Variants in WDR25 observed in about 807,000 individuals in gnomAD.
WDR25 encodes the protein WD repeat-containing protein 25.
Under a neutral mutation model 47.7 loss-of-function variants are expected in WDR25, and 35 were observed. The ratio of observed to expected loss-of-function variants is 0.73; its 90% confidence interval spans 0.56 to 0.97. WDR25 has a LOEUF of 0.97. WDR25 is among the 50% of genes least tolerant of loss of function. The pLI, the probability that WDR25 is intolerant of heterozygous loss-of-function variation, is 0.00. For missense variants in WDR25, 634 were observed against 704.7 expected, an observed-to-expected ratio of 0.90 and a Z score of 1.14; for synonymous variants, 248 against 278.9, an observed-to-expected ratio of 0.89 and a Z score of 1.10.
chr14:100,393,954 TTCC>T (rs1897199042), intron 2 of WDR25, among the ~76,000 whole-genome samples: 1 of 152,204 alleles, frequency 6.6e-6, no homozygotes, highest in African/African-American at 2.4e-5. Context: ...GTCAGGCACA[TTCC>T]TCCTCTAATT....
At position 100,529,340 on chromosome 14, in the gene WDR25, G is replaced by A. The variant is rs746564480; in HGVS notation, c.1413+132G>A. ...CCTGCTTTCTGTTTCCTGGGTGAGC[G>A]CATGCCATGTGGCTCACTGTCTCTT... On this transcript the variant is annotated intron_variant, in intron 6 of 6. Transcript: ENST00000402312. This position sits in a 1 kb window ranked among gnomAD's most constrained non-coding sequence, Gnocchi z 5.1. 31 of 1,363,858 alleles carry A rather than the reference G, an allele frequency of 2.3e-5. No individual in the cohort carries two copies. The highest frequency in any genetic ancestry group is 7.2e-5 in the African/African-American group (5 of 69,314). The allele number at this position is 1,363,858 out of a possible 1,614,324, so 84.5% of individuals were successfully genotyped here.
chr14:100,488,142 C>T lies in WDR25; in HGVS notation c.1101+4018C>T, dbSNP rs549367546. On this transcript the variant is annotated intron_variant, in intron 4 of 6. Transcript: ENST00000402312. This position sits in a 1 kb window ranked among gnomAD's most constrained non-coding sequence, Gnocchi z 4.2. ...TCTTGGTGATCTTGGGTGATCTCTC[C>T]GCCTCGGGTTTGATGTTTGTAGCAC... 3.7e-4 allele frequency among the ~76,000 whole-genome samples: 57 copies of T among 152,190 alleles called. No homozygotes were observed. The highest frequency in any genetic ancestry group is 1.1e-3 in the African/African-American group (45 of 41,514).
chr14:100,518,481 C>T (rs1901583341), intron 4 of WDR25, among the ~76,000 whole-genome samples: 1 of 151,126 alleles, frequency 6.6e-6, no homozygotes, highest in South Asian at 2.1e-4. Context: ...TTTAATTTAT[C>T]CTCTTTGTGG....
intron 3 of WDR25, among the ~76,000 whole-genome samples, chr14:100,475,899 T>A (rs561539290): frequency 6.6e-6 from 1 of 151,820 alleles, no homozygotes; most frequent in Non-Finnish European, 1.5e-5. Flanking sequence ...TATATATATA[T>A]AAAATTATTT....
rs1157078899 is a variant in WDR25 at position 100,404,116 on chromosome 14, C to T, written c.822+22370C>T. ...ATTAGAACTCCCATTTGCTGAGATC[C>T]TACCATGTGTCCAGCCCAGTGCTGG... On this transcript the variant is annotated intron_variant, in intron 2 of 6. Transcript: ENST00000402312. The surrounding 1 kb of genome is among the most constrained non-coding windows in gnomAD (Gnocchi z 4.6). Among the ~76,000 whole-genome samples, 1 of 151,976 alleles carries T rather than the reference C, an allele frequency of 6.6e-6. No individual in the cohort carries two copies. Among genetic ancestry groups the T allele is most frequent in the African/African-American group, 2.4e-5 (1 of 41,360 alleles).
chr14:100,441,000 A>G lies in WDR25; in HGVS notation c.823-27021A>G, dbSNP rs1264733327. Among the ~76,000 whole-genome samples the G allele has an allele frequency of 6.6e-6, 1 of 152,164 alleles. No homozygotes were observed. The highest frequency in any genetic ancestry group is 1.5e-5 in the Non-Finnish European group (1 of 68,022). On this transcript the variant is annotated intron_variant, in intron 2 of 6. Transcript: ENST00000402312. The surrounding 1 kb of genome is among the most constrained non-coding windows in gnomAD (Gnocchi z 4.4). The stretch of plus-strand genomic sequence containing the variant: ...TACCCGGTCCCTGGCATTTTGAGAA[A>G]GGGATTCTCTGTGGAGCCAATAAAC...
At chr14:100,422,452 C>A (rs1218150987) in intron 2 of WDR25, among the ~76,000 whole-genome samples, 2 of 152,170 alleles carry the variant, frequency 1.3e-5, no homozygotes, top group Non-Finnish European at 2.9e-5. Flanking sequence ...GGCTGCCTCC[C>A]ATTCAGGGCA....
rs1174538775 is a variant in WDR25 at position 100,523,407 on chromosome 14, T to G, written c.1102-2463T>G. On this transcript the variant is annotated intron_variant, in intron 4 of 6. Coordinates refer to ENST00000402312, the MANE Select transcript of WDR25 (RefSeq NM_001161476.3). The surrounding 1 kb of genome is among the most constrained non-coding windows in gnomAD (Gnocchi z 4.7). Reference sequence around the variant, plus strand: ...TCCTTCAGGTCTGGGTGCAGAGGACTGGCAGCATGGGGTGAGGGATAGCTG... The same window carrying G: ...TCCTTCAGGTCTGGGTGCAGAGGACGGGCAGCATGGGGTGAGGGATAGCTG... Among the ~76,000 whole-genome samples the G allele has an allele frequency of 6.6e-6, 1 of 152,200 alleles. No individual in the cohort carries two copies. Among genetic ancestry groups the G allele is most frequent in the Non-Finnish European group, 1.5e-5 (1 of 68,018 alleles).
At chr14:100,421,580 T>G (rs1425715944) in intron 2 of WDR25, among the ~76,000 whole-genome samples, 2 of 152,196 alleles carry the variant, frequency 1.3e-5, no homozygotes, top group Admixed American at 6.5e-5. Context: ...ACCACCAGGT[T>G]TTAGTTATTA....
At chr14:100,426,098 C>G (rs1300022138) in intron 2 of WDR25, among the ~76,000 whole-genome samples, 1 of 152,136 alleles carries the variant, frequency 6.6e-6, no homozygotes, top group Non-Finnish European at 1.5e-5. Flanking sequence ...CTCTACAAGC[C>G]AAAGCTTGGA....
intron 2 of WDR25, among the ~76,000 whole-genome samples, chr14:100,383,318 C>G (rs896401042): frequency 6.6e-6 from 1 of 152,206 alleles, no homozygotes; most frequent in Non-Finnish European, 1.5e-5. Flanking sequence ...GCATCCCTGG[C>G]GTGGATCACA....
rs902189787 is a variant in WDR25 at position 100,468,863 on chromosome 14, C to T, written c.970+695C>T. On this transcript the variant is annotated intron_variant, in intron 3 of 6. Transcript: ENST00000402312. The surrounding 1 kb of genome is among the most constrained non-coding windows in gnomAD (Gnocchi z 4.5). ...CACCTCTGCCATCTGCCTCCCAGTC[C>T]GAGCTCCTTCCTCTCTTTCTCCTTT... Among the ~76,000 whole-genome samples, 4 of 152,112 alleles carry T rather than the reference C, an allele frequency of 2.6e-5. No homozygotes were observed. The highest frequency in any genetic ancestry group is 1.9e-4 in the East Asian group (1 of 5,182).
intron 3 of WDR25, among the ~76,000 whole-genome samples, chr14:100,474,207 T>C (rs1680444523): frequency 6.6e-6 from 1 of 152,248 alleles, no homozygotes; most frequent in Non-Finnish European, 1.5e-5. Context: ...CTGAAAGTGC[T>C]TCTCCTCTGG....
intron 2 of WDR25, chr14:100,454,498 C>A: frequency 8.2e-7 from 1 of 1,220,970 alleles, no homozygotes; most frequent in Non-Finnish European, 1.1e-6. Flanking sequence ...CCTCCCACAG[C>A]TAACAACTAT....
At chr14:100,441,374 A>AG (rs1898663321) in intron 2 of WDR25, among the ~76,000 whole-genome samples, 1 of 151,916 alleles carries the variant, frequency 6.6e-6, no homozygotes, top group Non-Finnish European at 1.5e-5. Context: ...CTCACTGCCT[A>AG]GGGGGTGGGG....
Position 100,523,692 on chromosome 14 carries a change from T to C in WDR25, c.1102-2178T>C, listed in dbSNP as rs74081527. ...GCCCAGCATCCCCCAGGTTTGCTGG[T>C]GGGCCGAGTGGTGGGCAGATTGTAG... On this transcript the variant is annotated intron_variant, in intron 4 of 6. Transcript: ENST00000402312. This position sits in a 1 kb window ranked among gnomAD's most constrained non-coding sequence, Gnocchi z 4.7. Among the ~76,000 whole-genome samples, 19,132 of 152,076 alleles carry C rather than the reference T, an allele frequency of 0.13. 3,856 individuals carry two copies. The highest frequency in any genetic ancestry group is 0.42 in the African/African-American group (17,589 of 41,402).
rs1366871428 is a variant in WDR25, at chr14:100,440,165, G to GA, written c.823-27853dup. Among the ~76,000 whole-genome samples the GA allele has an allele frequency of 2.0e-5, 3 of 152,240 alleles. No homozygotes were observed. The East Asian group carries it at 5.8e-4, about 29-fold the overall frequency. On this transcript the variant is annotated intron_variant, in intron 2 of 6. Coordinates refer to ENST00000402312, the MANE Select transcript of WDR25 (RefSeq NM_001161476.3). This position sits in a 1 kb window ranked among gnomAD's most constrained non-coding sequence, Gnocchi z 4.4. ...GAACATTTGGAGTAGTCCTGGGGTG[G>GA]AAAGCAGCGTTTTCCTTTTTCAATT...
At chr14:100,389,936 T>G (rs1192685448) in intron 2 of WDR25, among the ~76,000 whole-genome samples, 1 of 152,224 alleles carries the variant, frequency 6.6e-6, no homozygotes, top group Non-Finnish European at 1.5e-5. Flanking sequence ...GCAACTCTGA[T>G]TGCTTGGGCA....
At chr14:100,409,988 TC>T (rs1241912485) in intron 2 of WDR25, among the ~76,000 whole-genome samples, 1 of 152,204 alleles carries the variant, frequency 6.6e-6, no homozygotes, top group African/African-American at 2.4e-5. Flanking sequence ...CTCACCCCCT[TC>T]CATCTCTCTA....
Sources: allele counts gnomAD v4.1 joint callset (sites outside exome capture counted in the v4.1 genomes callset), GRCh38; gene constraint gnomAD v4.1.1; non-coding constraint Gnocchi (gnomAD v3.1); transcripts MANE v1.5; gene names NCBI Gene and HGNC (gene_info 2026-07-23, HGNC 2026-07-21).